ZNF429: variants seen among roughly 807,000 people sequenced by gnomAD.
The protein encoded by ZNF429 is zinc finger protein 429.
Under a neutral mutation model 56.8 loss-of-function variants are expected in ZNF429, and 53 were observed. The ratio of observed to expected loss-of-function variants is 0.93; its 90% confidence interval spans 0.75 to 1.17. ZNF429 has a LOEUF of 1.17. Among genes scored for constraint, ZNF429 ranks in the 50% most tolerant of loss-of-function variants. The pLI is 0.00. For synonymous variants in ZNF429, 278 were observed against 264.7 expected (o/e 1.05, Z -0.49); for missense variants, 849 against 788.4 (o/e 1.08, Z -0.92).
chr19:21,509,072 G>A (rs552053567), intron 1 of ZNF429, among the ~76,000 whole-genome samples: 158 of 151,028 alleles, frequency 1.0e-3, no homozygotes, highest in African/African-American at 3.4e-3. Context: ...GCAGTGGTGC[G>A]ATCTTGGCTC....
intron 1 of ZNF429, among the ~76,000 whole-genome samples, chr19:21,508,213 A>G (rs1233860753): frequency 6.6e-6 from 1 of 151,916 alleles, no homozygotes; most frequent in Non-Finnish European, 1.5e-5. Context: ...ATTGCACTCC[A>G]GCCTGTGCAA....
chr19:21,528,314 A>G (rs2033240517), intron 1 of ZNF429, among the ~76,000 whole-genome samples: 1 of 152,186 alleles, frequency 6.6e-6, no homozygotes, highest in African/African-American at 2.4e-5. Flanking sequence ...ACAGGATGGC[A>G]TTTATCACCC....
chr19:21,505,840 C>A (rs532609408), intron 1 of ZNF429, 66 bp downstream of exon 1: 17 of 1,574,122 alleles, frequency 1.1e-5, no homozygotes, highest in Admixed American at 1.7e-5. Context: ...GAGAAGTGGC[C>A]GTGGCGGACT....
Position 21,529,759 on chromosome 19 carries a change from GA to G in ZNF429, c.107del (p.Asn36ThrfsTer17), listed in dbSNP as rs760609349. The G allele has an allele frequency of 6.3e-7, 1 of 1,584,170 alleles. No individual in the cohort carries two copies. Among genetic ancestry groups the G allele is most frequent in the Admixed American group, 1.8e-5 (1 of 56,762 alleles). On this transcript the variant is annotated frameshift_variant, in exon 2 of 4. Coordinates refer to ENST00000358491, the MANE Select transcript of ZNF429 (RefSeq NM_001001415.4). LOFTEE classifies it high-confidence loss of function. ...QNLYRNVMLE[N>X]YRNLVFLGIA... ...ACTTATATAGAAATGTGATGTTAGA[GA>G]ACTACAGAAACTTGGTCTTCCTGGG...
chr19:21,523,846 A>G (rs2033071965), intron 1 of ZNF429, among the ~76,000 whole-genome samples: 1 of 151,556 alleles, frequency 6.6e-6, no homozygotes, highest in African/African-American at 2.4e-5. Context: ...AGCCTCTATG[A>G]GGAGATCTCT....
intron 1 of ZNF429, among the ~76,000 whole-genome samples, chr19:21,513,631 G>A (rs953345841): frequency 2.0e-5 from 3 of 152,132 alleles, no homozygotes; most frequent in African/African-American, 7.2e-5. Flanking sequence ...TACAGATTTG[G>A]TGCCAGAAGA....
chr19:21,526,187 T>C (rs2033166184), intron 1 of ZNF429, among the ~76,000 whole-genome samples: 1 of 152,212 alleles, frequency 6.6e-6, no homozygotes. Flanking sequence ...CTTTGACTTT[T>C]TTTTTTCCAT....
At chr19:21,511,277 A>G (rs532926087) in intron 1 of ZNF429, among the ~76,000 whole-genome samples, 6 of 152,018 alleles carry the variant, frequency 3.9e-5, no homozygotes, top group Admixed American at 1.3e-4. Flanking sequence ...CCTCCCTCCC[A>G]GATGGGGTGG....
At chr19:21,519,818 C>T (rs112899329) in intron 1 of ZNF429, among the ~76,000 whole-genome samples, 1,537 of 151,932 alleles carry the variant, frequency 0.01, 28 homozygotes, top group African/African-American at 0.035. Flanking sequence ...GAATCTACAT[C>T]TCTTTATAGG....
Position 21,538,146 on chromosome 19 carries a change from G to A in ZNF429, c.*68G>A. Reference sequence around the variant, plus strand: ...AAAAAAAAATTAGCCAGGCGTGGTGGTGGGCACTTGTAGTCCCACCTACTC... The same window carrying A: ...AAAAAAAAATTAGCCAGGCGTGGTGATGGGCACTTGTAGTCCCACCTACTC... On this transcript the variant is annotated 3_prime_UTR_variant, in exon 4 of 4. Coordinates refer to ENST00000358491, the MANE Select transcript of ZNF429 (RefSeq NM_001001415.4). 5.7e-6 allele frequency: 4 copies of A among 703,348 alleles called. No individual in the cohort carries two copies. Among genetic ancestry groups the A allele is most frequent in the Non-Finnish European group, 4.5e-6 (2 of 446,414 alleles). The allele number at this position is 703,348 out of a possible 1,614,324, so 43.6% of individuals were successfully genotyped here. A position where few individuals can be genotyped will look rare whatever the true frequency, so the allele number is the denominator to read the frequency against.
intron 2 of ZNF429, 53 bp from the exon 3 acceptor site, chr19:21,530,536 T>C: frequency 7.6e-7 from 1 of 1,316,162 alleles, no homozygotes; most frequent in African/African-American, 1.5e-5. Context: ...ATTACTAAAT[T>C]GGTAATTACA....
At chr19:21,532,723 T>A in intron 3 of ZNF429, among the ~76,000 whole-genome samples, 5 of 150,266 alleles carry the variant, frequency 3.3e-5, no homozygotes, top group African/African-American at 9.8e-5. Context: ...TTGGAGACGG[T>A]GGTCTCGCTT....
In ZNF429 at chr19:21,538,625, A is replaced by G. The variant is rs2033815551; in HGVS notation, c.*547A>G. On this transcript the variant is annotated 3_prime_UTR_variant, in exon 4 of 4. Coordinates refer to ENST00000358491, the MANE Select transcript of ZNF429 (RefSeq NM_001001415.4). The stretch of plus-strand genomic sequence containing the variant: ...AAAAATATATAAATAAATAAAAGAA[A>G]GAAAATTCATAGTAGAGAGAAACCT... The G allele has an allele frequency of 6.6e-6, 1 of 152,222 alleles. No homozygotes were observed. The highest frequency in any genetic ancestry group is 1.9e-4 in the East Asian group (1 of 5,198). 9.4% of individuals were successfully genotyped at this position (152,222 alleles called of 1,614,324 possible).
intron 1 of ZNF429, among the ~76,000 whole-genome samples, chr19:21,526,183 CT>C (rs201905806): frequency 0.01 from 1,546 of 149,836 alleles, 28 homozygotes; most frequent in African/African-American, 0.035. Context: ...TTCACTTTGA[CT>C]TTTTTTTTTC....
Position 21,531,121 on chromosome 19 carries a change from A to AAAAAAC in ZNF429, c.226+442_226+443insCAAAAA. On this transcript the variant is annotated intron_variant, in intron 3 of 3. Transcript: ENST00000358491. Reference sequence around the variant, plus strand: ...AACTCCATCTCAAAAAAAAAAAAAAAAAAAAAAACCAAAAAAAAAAAAACA... The same window carrying AAAAAAC: ...AACTCCATCTCAAAAAAAAAAAAAAAAAAAACAAAAAAAACCAAAAAAAAAAAAACA... 5.7e-5 allele frequency among the ~76,000 whole-genome samples: 6 copies of AAAAAAC among 104,888 alleles called. 1 individual carries two copies. The highest frequency in any genetic ancestry group is 7.6e-5 in the Non-Finnish European group (4 of 52,932). The allele number at this position is 104,888 out of a possible 152,430, so 68.8% of individuals were successfully genotyped here. A position where few individuals can be genotyped will look rare whatever the true frequency, so the allele number is the denominator to read the frequency against.
intron 1 of ZNF429, chr19:21,521,581 C>G (rs2032985997): frequency 6.6e-6 from 1 of 152,092 alleles, no homozygotes; most frequent in South Asian, 2.1e-4. Context: ...AATCTTGTAT[C>G]TAATCTGAGT....
intron 1 of ZNF429, among the ~76,000 whole-genome samples, chr19:21,506,767 G>GTTTTT (rs60650857): frequency 9.8e-5 from 11 of 111,778 alleles, no homozygotes; most frequent in South Asian, 2.9e-4. Flanking sequence ...TTAGTTTTTT[G>GTTTTT]TTTTTTTTTT....
chr19:21,513,750 G>A (rs1470182156), intron 1 of ZNF429, among the ~76,000 whole-genome samples: 2 of 152,186 alleles, frequency 1.3e-5, no homozygotes, highest in African/African-American at 4.8e-5. Context: ...TGTGATTCCA[G>A]GTGTCCTCTT....
chr19:21,519,716 T>G (rs1357962224), intron 1 of ZNF429, among the ~76,000 whole-genome samples: 1 of 152,144 alleles, frequency 6.6e-6, no homozygotes, highest in Non-Finnish European at 1.5e-5. Context: ...AAAATCCTCC[T>G]TTTCTACCTA....
Sources: gnomAD v4.1 joint callset for allele counts (sites outside exome capture counted in the v4.1 genomes callset) on GRCh38, gnomAD v4.1.1 for gene constraint, MANE v1.5 for transcripts, NCBI Gene and HGNC (gene_info 2026-07-23, HGNC 2026-07-21) for gene names.